PITPNM2: variants seen among roughly 807,000 people sequenced by gnomAD.
PITPNM2 encodes the protein phosphatidylinositol transfer protein membrane associated 2, also known as membrane-associated phosphatidylinositol transfer protein 2.
In PITPNM2, 35 loss-of-function variants were observed where a neutral mutation model predicts 132.2. The observed-to-expected ratio is 0.26, with a 90% confidence interval of 0.20 to 0.35. PITPNM2 has a LOEUF of 0.35. Among genes scored for constraint, PITPNM2 ranks in the 10% least tolerant of loss-of-function variants. The probability of loss-of-function intolerance (pLI) is 1.00; values close to 1 mark genes in which losing one functional copy is unlikely to be tolerated. For synonymous variants in PITPNM2, 738 were observed against 799.2 expected, an observed-to-expected ratio of 0.92 and a Z score of 1.29; for missense variants, 1,332 against 1,912.0, an observed-to-expected ratio of 0.70 and a Z score of 5.66.
intron 1 of PITPNM2, among the ~76,000 whole-genome samples, chr12:123,124,532 G>T (rs1314137735): frequency 6.6e-6 from 1 of 152,148 alleles, no homozygotes; most frequent in East Asian, 1.9e-4. Context: ...TCTCTGGGAA[G>T]GAAAACTAAG....
intron 2 of PITPNM2, among the ~76,000 whole-genome samples, chr12:123,035,037 G>A (rs931206049): frequency 6.6e-6 from 1 of 152,208 alleles, no homozygotes; most frequent in African/African-American, 2.4e-5. Flanking sequence ...CCCCGGTACT[G>A]ACACAGTGAG....
At chr12:123,112,396 T>C (rs1392073703) in intron 1 of PITPNM2, among the ~76,000 whole-genome samples, 2 of 152,164 alleles carry the variant, frequency 1.3e-5, no homozygotes, top group Admixed American at 1.3e-4. Context: ...GTTTGTTGCA[T>C]GTAATGTACG....
At chr12:122,995,113 T>G in intron 14 of PITPNM2, 134 bp from the exon 15 acceptor site, 1 of 1,076,870 alleles carries the variant, frequency 9.3e-7, no homozygotes, top group Non-Finnish European at 1.3e-6. Context: ...CTGGACCACC[T>G]GCCCCTGGTC....
chr12:122,995,111 C>T (rs557586217), intron 14 of PITPNM2, 132 bp from the exon 15 acceptor site: 3 of 1,088,920 alleles, frequency 2.8e-6, no homozygotes, highest in Non-Finnish European at 3.8e-6. Context: ...AGCTGGACCA[C>T]CTGCCCCTGG....
intron 4 of PITPNM2, 26 bp from the exon 5 acceptor site, chr12:123,012,760 A>AG (rs776801682): frequency 1.2e-6 from 2 of 1,612,442 alleles, no homozygotes; most frequent in East Asian, 4.5e-5. Flanking sequence ...AGCACTCATC[A>AG]GGACCTGTCC....
In PITPNM2 at chr12:122,994,212, CCTCT is replaced by C. The variant is rs2038321144; in HGVS notation, c.2233+585_2233+588del. Among the ~76,000 whole-genome samples the C allele has an allele frequency of 6.6e-6, 1 of 152,370 alleles. No individual in the cohort carries two copies. The highest frequency in any genetic ancestry group is 1.9e-4 in the East Asian group (1 of 5,194). ...AACCTGCACTTGGCAAGCATCTAAA[CCTCT>C]CTGAGCCTCAGTTTCCCCCTCTGTC... is the stretch of plus-strand genomic sequence containing the variant. On this transcript the variant is annotated intron_variant, in intron 15 of 25. Transcript: ENST00000320201. This position sits in a 1 kb window ranked among gnomAD's most constrained non-coding sequence, Gnocchi z 5.4.
chr12:123,059,017 G>A (rs1459421821), intron 2 of PITPNM2, among the ~76,000 whole-genome samples: 1 of 152,216 alleles, frequency 6.6e-6, no homozygotes, highest in African/African-American at 2.4e-5. Context: ...TGCATCTTCA[G>A]GGCCAAGCCC....
intron 2 of PITPNM2, among the ~76,000 whole-genome samples, chr12:123,100,743 ACTC>A (rs2042544648): frequency 1.3e-5 from 2 of 152,066 alleles, no homozygotes; most frequent in Non-Finnish European, 2.9e-5. Context: ...TCATCTTATG[ACTC>A]CATTCATATG....
Position 123,108,537 on chromosome 12 carries a change from C to T in PITPNM2, c.-96+1848G>A, listed in dbSNP as rs2042768779. Among the ~76,000 whole-genome samples the T allele has an allele frequency of 6.6e-6, 1 of 152,276 alleles. No individual in the cohort carries two copies. Reference sequence around the variant, plus strand: ...CACGAGGCCCCAACCCCGCAGAACCCGAGTGACCCCTGGAGAAGCTGCAAG... The same window carrying T: ...CACGAGGCCCCAACCCCGCAGAACCTGAGTGACCCCTGGAGAAGCTGCAAG... On this transcript the variant is annotated intron_variant, in intron 2 of 25. Transcript: ENST00000320201. This position sits in a 1 kb window ranked among gnomAD's most constrained non-coding sequence, Gnocchi z 4.4.
chr12:122,987,630 G>A lies in PITPNM2; in HGVS notation c.3144C>T (p.Pro1048=), dbSNP rs2037992391. ...TATCCAGGTAGAGCCACTCGCCTGA[G>A]GGCGGCTGGGTCATGATGTGCACAT... ...KVDVHIMTQP[P]SGEWLYLDTL... The change falls in exon 22 of 26, where the codon CCC becomes CCT. Residue 1048 remains proline (P), a synonymous_variant. Transcript: ENST00000320201. 6.2e-7 allele frequency: 1 copy of A among 1,613,578 alleles called. No individual in the cohort carries two copies. The highest frequency in any genetic ancestry group is 1.3e-5 in the African/African-American group (1 of 74,930).
At chr12:123,075,861 T>G (rs1213383549) in intron 2 of PITPNM2, 2 of 152,348 alleles carry the variant, frequency 1.3e-5, no homozygotes, top group Non-Finnish European at 2.9e-5. Context: ...AAAAGCCAGC[T>G]TGGCTCTGGC....
intron 2 of PITPNM2, among the ~76,000 whole-genome samples, chr12:123,051,217 C>A (rs1382173333): frequency 6.6e-6 from 1 of 152,192 alleles, no homozygotes; most frequent in Non-Finnish European, 1.5e-5. Flanking sequence ...GGAGTCAAGG[C>A]AAAGGGTTTG....
At chr12:123,021,332 GTTTA>G (rs1194269359) in intron 3 of PITPNM2, among the ~76,000 whole-genome samples, 1 of 152,082 alleles carries the variant, frequency 6.6e-6, no homozygotes, top group Non-Finnish European at 1.5e-5. Flanking sequence ...GAGAATTTCA[GTTTA>G]TTTATTTATT....
At position 123,150,377 on chromosome 12, in the gene PITPNM2, GC is replaced by G. The variant is rs1210844667; in HGVS notation, c.-200+375del. Among the ~76,000 whole-genome samples the G allele has an allele frequency of 6.7e-6, 1 of 149,968 alleles. No homozygotes were observed. Among genetic ancestry groups the G allele is most frequent in the East Asian group, 2.0e-4 (1 of 4,988 alleles). On this transcript the variant is annotated intron_variant, in intron 1 of 25. Coordinates refer to ENST00000320201, the MANE Select transcript of PITPNM2 (RefSeq NM_020845.3). This position sits in a 1 kb window ranked among gnomAD's most constrained non-coding sequence, Gnocchi z 6.0. ...GGCTCACCTCCGCTTCCTCCCGATA[GC>G]CCCTTCCTCGCCCTGGCACCGGCAC...
In PITPNM2 at chr12:123,096,615, G is replaced by A. The variant is rs926677415; in HGVS notation, c.-96+13770C>T. Among the ~76,000 whole-genome samples, 27 of 152,178 alleles carry A rather than the reference G, an allele frequency of 1.8e-4. 1 individual carries two copies. The highest frequency in any genetic ancestry group is 7.9e-4 in the Admixed American group (12 of 15,282). On this transcript the variant is annotated intron_variant, in intron 2 of 25. Coordinates refer to ENST00000320201, the MANE Select transcript of PITPNM2 (RefSeq NM_020845.3). ...GTGAGGAAGGAGCAGAGAGGAACAG[G>A]GAAGGAGACAGCCACAGGCCCGGGG...
chr12:123,082,063 C>T lies in PITPNM2; in HGVS notation c.-96+28322G>A, dbSNP rs1407567334. On this transcript the variant is annotated intron_variant, in intron 2 of 25. Transcript: ENST00000320201. The surrounding 1 kb of genome is among the most constrained non-coding windows in gnomAD (Gnocchi z 5.4). ...TACCCCCACCCTGCAAAGCCTTCTC[C>T]TGGCTCCCTCAACAGACTGGCCAGA... The T allele has an allele frequency of 2.0e-5, 3 of 152,380 alleles. No homozygotes were observed. Among genetic ancestry groups the T allele is most frequent in the Non-Finnish European group, 2.9e-5 (2 of 68,160 alleles). The allele number at this position is 152,380 out of a possible 1,614,324, so 9.4% of individuals were successfully genotyped here.
chr12:122,987,201 T>A (rs933502827), intron 23 of PITPNM2, 80 bp downstream of exon 23: 2 of 1,580,082 alleles, frequency 1.3e-6, no homozygotes, highest in South Asian at 2.2e-5. Context: ...GGCTCCGCTG[T>A]CCTCCTCCAC....
intron 3 of PITPNM2, among the ~76,000 whole-genome samples, chr12:123,020,283 GC>G (rs1051981874): frequency 6.6e-6 from 1 of 151,792 alleles, no homozygotes; most frequent in African/African-American, 2.4e-5. Context: ...ACCACACCCA[GC>G]TAATTTTTGT....
chr12:123,010,154 C>A, intron 5 of PITPNM2, 77 bp from the exon 6 acceptor site: 1 of 1,222,964 alleles, frequency 8.2e-7, no homozygotes, highest in Non-Finnish European at 1.2e-6. Flanking sequence ...TTCCTCCACC[C>A]CCAAATCCTC....
Sources: gnomAD v4.1 joint callset for allele counts (sites outside exome capture counted in the v4.1 genomes callset) on GRCh38, gnomAD v4.1.1 for gene constraint, Gnocchi (gnomAD v3.1) non-coding constraint, MANE v1.5 for transcripts, NCBI Gene and HGNC (gene_info 2026-07-23, HGNC 2026-07-21) for gene names.